PCDHA13: variants seen among roughly 807,000 people sequenced by gnomAD.
PCDHA13 encodes the protein protocadherin alpha-13.
PCDHA13 carries 54 observed loss-of-function variants against 64.8 expected under a neutral mutation model. The ratio of observed to expected loss-of-function variants is 0.83; its 90% confidence interval spans 0.67 to 1.04. The LOEUF (loss-of-function observed/expected upper bound fraction) is 1.04, where lower values mean the gene tolerates loss of function less well. PCDHA13 is among the 50% of genes least tolerant of loss of function. PCDHA13 has a pLI of 0.00. For synonymous variants in PCDHA13, 587 were observed against 564.4 expected (o/e 1.04, Z -0.57); for missense variants, 1,248 against 1,254.3 (o/e 0.99, Z 0.08).
intron 1 of PCDHA13, among the ~76,000 whole-genome samples, chr5:140,922,496 G>A (rs1554200851): frequency 6.6e-6 from 1 of 152,222 alleles, no homozygotes; most frequent in African/African-American, 2.4e-5. Flanking sequence ...ATCTGAGAGT[G>A]AGCAGATGCA....
At chr5:140,937,402 CACA>C (rs1329840101) in intron 1 of PCDHA13, among the ~76,000 whole-genome samples, 1 of 152,034 alleles carries the variant, frequency 6.6e-6, no homozygotes, top group African/African-American at 2.4e-5. Flanking sequence ...AGGGGTATTG[CACA>C]ACTTTTATTA....
At chr5:140,936,367 A>C (rs1347774517) in intron 1 of PCDHA13, among the ~76,000 whole-genome samples, 2 of 152,230 alleles carry the variant, frequency 1.3e-5, no homozygotes, top group East Asian at 1.9e-4. Flanking sequence ...GCTACTGAGC[A>C]CTTGAAATGT....
intron 1 of PCDHA13, chr5:140,929,227 G>T (rs141300036): frequency 1.2e-6 from 2 of 1,613,774 alleles, no homozygotes; most frequent in Non-Finnish European, 1.7e-6. Context: ...CAATGCTGCC[G>T]ACCTGCGAAA....
intron 3 of PCDHA13, among the ~76,000 whole-genome samples, chr5:140,986,690 A>G (rs2097209589): frequency 6.6e-6 from 1 of 152,172 alleles, no homozygotes; most frequent in African/African-American, 2.4e-5. Flanking sequence ...AAAGTTTCAA[A>G]ACACACAGCA....
intron 3 of PCDHA13, among the ~76,000 whole-genome samples, chr5:140,998,569 G>GTT (rs71574497): frequency 0.068 from 10,108 of 149,316 alleles, 392 homozygotes; most frequent in Middle Eastern, 0.14. Flanking sequence ...TTGTAAATAA[G>GTT]TTTTTTTTTT....
At chr5:140,958,744 A>G (rs1421311606) in intron 1 of PCDHA13, among the ~76,000 whole-genome samples, 1 of 152,156 alleles carries the variant, frequency 6.6e-6, no homozygotes, top group Non-Finnish European at 1.5e-5. Context: ...AAAGAGAGAA[A>G]GGAGATTTTT....
rs183321523 is a variant in PCDHA13 at position 140,948,382 on chromosome 5, A to G, written c.2395-30567A>G. Among the ~76,000 whole-genome samples the G allele has an allele frequency of 1.2e-3, 182 of 151,516 alleles. 1 individual carries two copies. Among genetic ancestry groups the G allele is most frequent in the African/African-American group, 3.9e-3 (163 of 41,496 alleles). ...TGACTTAGGAGGTGTTCCTTCCTCT[A>G]TTTTCTGAAAGGTTGTGTAATATTG... On this transcript the variant is annotated intron_variant, in intron 1 of 3. Coordinates refer to ENST00000289272, the MANE Select transcript of PCDHA13 (RefSeq NM_018904.3).
intron 1 of PCDHA13, among the ~76,000 whole-genome samples, chr5:140,939,041 T>G (rs2092303651): frequency 6.6e-6 from 1 of 152,222 alleles, no homozygotes; most frequent in Admixed American, 6.5e-5. Context: ...AAGAGTTGTC[T>G]TAGTCCATTT....
At chr5:140,925,434 G>C (rs1165185781) in intron 1 of PCDHA13, among the ~76,000 whole-genome samples, 1 of 152,088 alleles carries the variant, frequency 6.6e-6, no homozygotes, top group African/African-American at 2.4e-5. Flanking sequence ...TAGGGTGTTA[G>C]GCAGAATTTG....
rs1554174427 is a variant in PCDHA13 at position 140,882,534 on chromosome 5, G to A, written c.266G>A (p.Arg89Gln). The stretch of plus-strand genomic sequence containing the variant: ...AATGGCATTTTGTTTGTGAATTCTC[G>A]GATCGACCGCGAGGAGCTGTGTGGG... The part of the protein sequence containing the change: ...LQNGILFVNS[R>Q]IDREELCGRS... The change falls in exon 1 of 4, where the codon CGG becomes CAG. Residue 89 changes from arginine (R) to glutamine (Q), a missense_variant. By Grantham distance (43) the Arg-to-Gln change is conservative. Transcript: ENST00000289272. 14 of 1,614,086 alleles carry A rather than the reference G, an allele frequency of 8.7e-6. No homozygotes were observed. The highest frequency in any genetic ancestry group is 1.1e-5 in the Non-Finnish European group (13 of 1,180,056).
At chr5:140,936,512 A>G (rs575884793) in intron 1 of PCDHA13, among the ~76,000 whole-genome samples, 1 of 152,324 alleles carries the variant, frequency 6.6e-6, no homozygotes, top group Non-Finnish European at 1.5e-5. Context: ...TAGATCTTAA[A>G]TTACCTGAAA....
In PCDHA13 at chr5:140,903,479, T is replaced by C. The variant is rs73266018; in HGVS notation, c.2394+18817T>C. On this transcript the variant is annotated intron_variant, in intron 1 of 3. Transcript: ENST00000289272. The stretch of plus-strand genomic sequence containing the variant: ...ACTTAAAATATTATTCCTTGCATTA[T>C]AGTTCTGAGCAGGTACCATAGATAA... Among the ~76,000 whole-genome samples, 476 of 152,354 alleles carry C rather than the reference T, an allele frequency of 3.1e-3. 2 individuals are homozygous for C. The highest frequency in any genetic ancestry group is 0.011 in the African/African-American group (456 of 41,586).
At chr5:140,896,148 G>A (rs1185038418) in intron 1 of PCDHA13, among the ~76,000 whole-genome samples, 1 of 152,162 alleles carries the variant, frequency 6.6e-6, no homozygotes, top group Non-Finnish European at 1.5e-5. Flanking sequence ...CACCATTGAT[G>A]GGCATTTAGG....
rs911070094 is a variant in PCDHA13, at chr5:141,009,570, G to A, written c.2543-57G>A. On this transcript the variant is annotated intron_variant, in intron 3 of 3. Coordinates refer to ENST00000289272, the MANE Select transcript of PCDHA13 (RefSeq NM_018904.3). ...AGTACTCCTGTACTCTACCAGCAGT[G>A]TGGCATCAAGAGCATGTGTTGACCC... The A allele has an allele frequency of 1.9e-6, 3 of 1,577,968 alleles. No homozygotes were observed. In the Admixed American group the frequency reaches 5.2e-5, roughly 28 times the overall value.
intron 3 of PCDHA13, among the ~76,000 whole-genome samples, chr5:141,000,409 ATATATATATATATTT>A (rs2097918498): frequency 1.1e-5 from 1 of 94,040 alleles, no homozygotes; most frequent in East Asian, 3.1e-4. Flanking sequence ...ATATATATAT[ATATATATATATATTT>A]TTTTTTTTTT....
rs199814121 is a variant in PCDHA13, at chr5:140,884,467, G to A, written c.2199G>A (p.Ala733=). ...CACCGCCCACCGAGGGCGCGTGCGC[G>A]CCGGGCAAGCCCACTCTAGTGTGCT... ...CSAPPTEGAC[A]PGKPTLVCSS... is the part of the protein sequence containing the mutation. The change falls in exon 1 of 4, where the codon GCG becomes GCA. Residue 733 remains alanine (A), a synonymous_variant. Transcript: ENST00000289272. The A allele has an allele frequency of 3.7e-6, 6 of 1,613,778 alleles. No individual in the cohort carries two copies. Among genetic ancestry groups the A allele is most frequent in the Non-Finnish European group, 5.1e-6 (6 of 1,179,832 alleles).
chr5:140,991,019 T>G (rs1333119856), intron 3 of PCDHA13, among the ~76,000 whole-genome samples: 1 of 152,178 alleles, frequency 6.6e-6, no homozygotes, highest in Non-Finnish European at 1.5e-5. Flanking sequence ...GATAAGCACT[T>G]TACATATGTT....
intron 3 of PCDHA13, among the ~76,000 whole-genome samples, chr5:141,004,826 G>A (rs2098183640): frequency 6.6e-6 from 1 of 152,112 alleles, no homozygotes; most frequent in East Asian, 1.9e-4. Flanking sequence ...GATTAACTTA[G>A]ATAGATCAAA....
Position 140,882,602 on chromosome 5 carries a change from A to T in PCDHA13, c.334A>T (p.Arg112Trp). Residue 112 changes from arginine (R) to tryptophan (W), a missense_variant, in exon 1 of 4, where the codon AGG (arginine) becomes TGG (tryptophan). By Grantham distance (101) the Arg-to-Trp change is moderately radical (BLOSUM62 -3). Transcript: ENST00000289272. ...CATCCACCTGGAGGTGATCGTGGAC[A>T]GGCCTCTGCAGGTTTTCCATGTGGA... ...CSIHLEVIVD[R>W]PLQVFHVEVK... is the part of the protein sequence containing the mutation. The T allele has an allele frequency of 6.2e-7, 1 of 1,614,276 alleles. No individual in the cohort carries two copies. Among genetic ancestry groups the T allele is most frequent in the Non-Finnish European group, 8.5e-7 (1 of 1,180,052 alleles).
Sources: gnomAD v4.1 joint callset for allele counts (sites outside exome capture counted in the v4.1 genomes callset) on GRCh38, gnomAD v4.1.1 for gene constraint, MANE v1.5 for transcripts, NCBI Gene and HGNC (gene_info 2026-07-23, HGNC 2026-07-21) for gene names.